COBL: variants seen among roughly 807,000 people sequenced by gnomAD.
COBL encodes cordon-bleu WH2 repeat protein, also known as protein cordon-bleu.
A neutral mutation model predicts 98.8 loss-of-function variants in COBL; 51 were observed. The observed-to-expected ratio is 0.52, with a 90% CI of 0.41 to 0.65. The LOEUF is 0.65. Among genes scored for constraint, COBL ranks in the 30% least tolerant of loss-of-function variants. The pLI is 0.00. For synonymous variants in COBL, 634 were observed against 651.7 expected (o/e 0.97, Z 0.41); for missense variants, 1,617 against 1,617.5 (o/e 1.00, Z 0.01).
chr7:51,168,635 G>A (rs751106854), intron 5 of COBL, among the ~76,000 whole-genome samples: 27 of 152,200 alleles, frequency 1.8e-4, no homozygotes, highest in Non-Finnish European at 3.1e-4. Flanking sequence ...TGGTGAAGAT[G>A]TGGAGAAAAG....
At chr7:51,211,484 G>A (rs1051762915) in intron 2 of COBL, among the ~76,000 whole-genome samples, 1 of 152,236 alleles carries the variant, frequency 6.6e-6, no homozygotes, top group Non-Finnish European at 1.5e-5. Context: ...TGCCAGGCAT[G>A]TGGTAGGCAC....
chr7:51,154,611 G>A (rs1785922007), intron 5 of COBL, among the ~76,000 whole-genome samples: 1 of 152,182 alleles, frequency 6.6e-6, no homozygotes, highest in South Asian at 2.1e-4. Flanking sequence ...TCCTCTCTGA[G>A]AATCCGTGGC....
intron 1 of COBL, chr7:51,316,366 C>T (rs1803594200): frequency 3.1e-6 from 1 of 326,126 alleles, no homozygotes; most frequent in Non-Finnish European, 5.5e-6. Context: ...CGGCCCCGGC[C>T]CGACACGGTT....
chr7:51,144,714 C>T (rs1030797486), intron 5 of COBL, among the ~76,000 whole-genome samples: 3 of 152,324 alleles, frequency 2.0e-5, no homozygotes, highest in African/African-American at 7.2e-5. Flanking sequence ...CCTTTCCCCA[C>T]CCCAGTCCTG....
chr7:51,316,482 C>T (rs959532998), intron 1 of COBL, 111 bp downstream of exon 1: 5 of 800,170 alleles, frequency 6.2e-6, no homozygotes, highest in South Asian at 1.2e-4. Context: ...ACCACCAGCA[C>T]CCGCTGGGGC....
At chr7:51,295,840 C>T (rs1333396739) in intron 1 of COBL, among the ~76,000 whole-genome samples, 2 of 152,204 alleles carry the variant, frequency 1.3e-5, no homozygotes, top group Non-Finnish European at 2.9e-5. Flanking sequence ...TCTTTACCCT[C>T]CTAAGTGATC....
intron 7 of COBL, among the ~76,000 whole-genome samples, chr7:51,076,343 A>G (rs1793072853): frequency 6.6e-6 from 1 of 152,186 alleles, no homozygotes; most frequent in Non-Finnish European, 1.5e-5. Context: ...TTCCCGTCCT[A>G]CCTTCTCCAG....
At chr7:51,306,283 GC>G (rs1802466673) in intron 1 of COBL, among the ~76,000 whole-genome samples, 3 of 152,078 alleles carry the variant, frequency 2.0e-5, no homozygotes. Context: ...GCACACCCAG[GC>G]CAACAGGGCC....
chr7:51,145,940 G>A (rs1266878376), intron 5 of COBL, among the ~76,000 whole-genome samples: 1 of 152,042 alleles, frequency 6.6e-6, no homozygotes, highest in Non-Finnish European at 1.5e-5. Flanking sequence ...TCTGTGTTTG[G>A]GAATCAAGAG....
chr7:51,026,323 GTGTC>G (rs1375520364), intron 11 of COBL, among the ~76,000 whole-genome samples: 2 of 152,220 alleles, frequency 1.3e-5, no homozygotes, highest in Non-Finnish European at 2.9e-5. Context: ...GGCTGAGAGA[GTGTC>G]TGGAAGCTCT....
At chr7:51,180,554 T>C (rs1488870625) in intron 5 of COBL, among the ~76,000 whole-genome samples, 1 of 152,240 alleles carries the variant, frequency 6.6e-6, no homozygotes. Flanking sequence ...TTGCTGCATC[T>C]TATGCAAATA....
intron 2 of COBL, among the ~76,000 whole-genome samples, chr7:51,194,815 C>CT (rs758407953): frequency 4.0e-5 from 6 of 151,670 alleles, no homozygotes; most frequent in Admixed American, 6.6e-5. Flanking sequence ...TATTATTATA[C>CT]TTTAAGTTTT....
At chr7:51,163,649 T>C (rs1464205538) in intron 5 of COBL, among the ~76,000 whole-genome samples, 1 of 152,242 alleles carries the variant, frequency 6.6e-6, no homozygotes. Context: ...ATATCAATAA[T>C]ATAACAAACT....
At chr7:51,109,945 G>A (rs1338110096) in intron 6 of COBL, among the ~76,000 whole-genome samples, 1 of 152,066 alleles carries the variant, frequency 6.6e-6, no homozygotes. Context: ...CGAGAGCAAG[G>A]GGATGGAAAC....
rs1004044987 is a variant in COBL, at chr7:51,027,739, A to T, written c.3357T>A (p.Ser1119=). 9.3e-6 allele frequency: 15 copies of T among 1,613,796 alleles called. No homozygotes were observed. Among genetic ancestry groups the T allele is most frequent in the Non-Finnish European group, 1.3e-5 (15 of 1,179,898 alleles). ...TGCGTAGTCTGTCCTTCCCTCCCGCAGAGTGGATGGCTTCCATCAGGGCAG... is the reference window on the plus strand; with the variant it reads ...TGCGTAGTCTGTCCTTCCCTCCCGCTGAGTGGATGGCTTCCATCAGGGCAG... ...LHSALMEAIH[S]AGGKDRLRKT... The change falls in exon 10 of 13, where the codon TCT becomes TCA. Residue 1119 remains serine, a synonymous_variant. Coordinates refer to ENST00000265136, the MANE Select transcript of COBL (RefSeq NM_015198.5).
intron 5 of COBL, chr7:51,156,696 C>T (rs1321208011): frequency 1.2e-5 from 2 of 173,358 alleles, no homozygotes; most frequent in African/African-American, 3.7e-5. Flanking sequence ...AAAAACCACC[C>T]TTCACACACA....
At chr7:51,252,398 T>C (rs1164748567) in intron 1 of COBL, among the ~76,000 whole-genome samples, 1 of 152,158 alleles carries the variant, frequency 6.6e-6, no homozygotes, top group Non-Finnish European at 1.5e-5. Flanking sequence ...TCCCCAGCCC[T>C]AGACAACCAC....
intron 5 of COBL, among the ~76,000 whole-genome samples, chr7:51,182,285 CTTTT>C (rs59385484): frequency 1.4e-5 from 2 of 143,184 alleles, no homozygotes; most frequent in Admixed American, 6.9e-5. Flanking sequence ...TTCTGATTCT[CTTTT>C]TTTTTTTTTT....
chr7:51,111,798 G>A (rs1056243158), intron 6 of COBL, among the ~76,000 whole-genome samples: 37 of 152,202 alleles, frequency 2.4e-4, no homozygotes, highest in Non-Finnish European at 4.4e-4. Context: ...GTGCCAGCCA[G>A]GGCATGTGAT....
Sources: allele counts gnomAD v4.1 joint callset (sites outside exome capture counted in the v4.1 genomes callset), GRCh38; gene constraint gnomAD v4.1.1; transcripts MANE v1.5; gene names NCBI Gene and HGNC (gene_info 2026-07-23, HGNC 2026-07-21).